CPT1A: variants seen among roughly 807,000 people sequenced by gnomAD.
The protein encoded by CPT1A is carnitine palmitoyltransferase 1A.
In CPT1A, 64 loss-of-function variants were observed where a neutral mutation model predicts 100.8. The ratio of observed to expected loss-of-function variants is 0.63; its 90% confidence interval spans 0.52 to 0.78. The LOEUF (loss-of-function observed/expected upper bound fraction) is 0.78, where lower values mean the gene tolerates loss of function less well. Ranked by LOEUF, CPT1A falls within the 30% of genes least tolerant of loss-of-function variation. The pLI, the probability that CPT1A is intolerant of heterozygous loss-of-function variation, is 0.00. For synonymous variants in CPT1A, 363 were observed against 396.0 expected, an observed-to-expected ratio of 0.92 and a Z score of 0.99; for missense variants, 802 against 1,034.1, an observed-to-expected ratio of 0.78 and a Z score of 3.08.
At chr11:68,815,849 T>G (rs553039075) in intron 1 of CPT1A, among the ~76,000 whole-genome samples, 1 of 145,334 alleles carries the variant, frequency 6.9e-6, no homozygotes, top group South Asian at 2.2e-4. Flanking sequence ...CAAGCCAGCA[T>G]CCAGGCCCGT....
rs542970358 is a variant in CPT1A at position 68,780,817 on chromosome 11, G to C, written c.1353-72C>G. 8.4e-5 allele frequency: 93 copies of C among 1,100,786 alleles called. No homozygotes were observed. The South Asian group carries it at 1.0e-3, about 12-fold the overall frequency. 68.2% of individuals were successfully genotyped at this position (1,100,786 alleles called of 1,614,324 possible). A position where few individuals can be genotyped will look rare whatever the true frequency, so the allele number is the denominator to read the frequency against. ...CAATGAGGAGACATTGCACCTCTCTGCTTCATCCTGGATGGACTAATTCAC... is the reference window on the plus strand; with the variant it reads ...CAATGAGGAGACATTGCACCTCTCTCCTTCATCCTGGATGGACTAATTCAC... On this transcript the variant is annotated intron_variant, in intron 11 of 18. Coordinates refer to ENST00000265641, the MANE Select transcript of CPT1A (RefSeq NM_001876.4).
intron 4 of CPT1A, among the ~76,000 whole-genome samples, chr11:68,806,018 A>C (rs1856035376): frequency 7.2e-6 from 1 of 139,210 alleles, no homozygotes; most frequent in South Asian, 2.3e-4. Context: ...AAGCCCATAA[A>C]TTTTTTTTTT....
At chr11:68,830,435 C>T (rs766746129) in intron 1 of CPT1A, among the ~76,000 whole-genome samples, 25 of 152,280 alleles carry the variant, frequency 1.6e-4, no homozygotes, top group Non-Finnish European at 3.4e-4. Flanking sequence ...GGCCACATGC[C>T]ATCCTGGAGG....
chr11:68,784,734 G>A lies in CPT1A; in HGVS notation c.1163+81C>T, dbSNP rs1037536540. ...GGAGTCCCGTGCCAGGATTCCCACAGGCCCTGGTGGGGATGGGCCCCAGTG... is the reference window on the plus strand; with the variant it reads ...GGAGTCCCGTGCCAGGATTCCCACAAGCCCTGGTGGGGATGGGCCCCAGTG... On this transcript the variant is annotated intron_variant, in intron 10 of 18. Transcript: ENST00000265641. 3.2e-5 allele frequency: 44 copies of A among 1,372,384 alleles called. No homozygotes were observed. The East Asian group carries it at 8.6e-4, about 27-fold the overall frequency. The allele number at this position is 1,372,384 out of a possible 1,614,324, so 85.0% of individuals were successfully genotyped here.
chr11:68,800,490 CAAAAAAAA>C (rs57450875), intron 5 of CPT1A, among the ~76,000 whole-genome samples: 1 of 78,988 alleles, frequency 1.3e-5, no homozygotes, highest in Non-Finnish European at 2.9e-5. Context: ...CCCATCTCTG[CAAAAAAAA>C]AAAAAAAAAA....
At chr11:68,808,347 G>C (rs924654865) in intron 3 of CPT1A, among the ~76,000 whole-genome samples, 1 of 151,408 alleles carries the variant, frequency 6.6e-6, no homozygotes, top group Non-Finnish European at 1.5e-5. Flanking sequence ...GTAAAGATGG[G>C]ACTTTAAAAA....
chr11:68,814,028 G>C (rs771810827), intron 2 of CPT1A, among the ~76,000 whole-genome samples: 1 of 152,090 alleles, frequency 6.6e-6, no homozygotes, highest in Non-Finnish European at 1.5e-5. Context: ...GCCGCCCTCG[G>C]AGAAGGAGCA....
At chr11:68,770,713 G>A (rs920114970) in intron 14 of CPT1A, among the ~76,000 whole-genome samples, 10 of 152,168 alleles carry the variant, frequency 6.6e-5, no homozygotes, top group African/African-American at 1.9e-4. Flanking sequence ...GCCTCTCACC[G>A]CTGGTGTACG....
chr11:68,781,688 C>G, intron 11 of CPT1A, 83 bp downstream of exon 11: 1 of 1,134,838 alleles, frequency 8.8e-7, no homozygotes, highest in Non-Finnish European at 1.3e-6. Flanking sequence ...ATTATAGATA[C>G]TTAGGGGTGA....
At chr11:68,773,862 C>T (rs905153977) in intron 13 of CPT1A, 3 of 268,052 alleles carry the variant, frequency 1.1e-5, no homozygotes, top group African/African-American at 6.6e-5. Context: ...GAAGCATGCG[C>T]ACTGAGAGGC....
chr11:68,823,975 G>A (rs1594371298), intron 1 of CPT1A, among the ~76,000 whole-genome samples: 2 of 151,910 alleles, frequency 1.3e-5, no homozygotes, highest in Admixed American at 1.3e-4. Flanking sequence ...GGCCGGGTGC[G>A]GTGGCTCACG....
Position 68,841,371 on chromosome 11 carries a change from T to C in CPT1A, c.-14+404A>G, listed in dbSNP as rs1490002483. ...GGCCACCCGCAGGCTGACCGACCCC[T>C]GGGCAGACCCTCAGACTCAATCCAG... On this transcript the variant is annotated intron_variant, in intron 1 of 18. Transcript: ENST00000265641. This position sits in a 1 kb window ranked among gnomAD's most constrained non-coding sequence, Gnocchi z 6.3. Among the ~76,000 whole-genome samples, 2 of 151,114 alleles carry C rather than the reference T, an allele frequency of 1.3e-5. No individual in the cohort carries two copies. Among genetic ancestry groups the C allele is most frequent in the African/African-American group, 4.9e-5 (2 of 41,036 alleles).
At chr11:68,832,229 A>T (rs552183672) in intron 1 of CPT1A, among the ~76,000 whole-genome samples, 1 of 152,294 alleles carries the variant, frequency 6.6e-6, no homozygotes, top group South Asian at 2.1e-4. Context: ...CGGACAGATC[A>T]CCTGAGCTCA....
At position 68,773,408 on chromosome 11, in the gene CPT1A, A is replaced by G. The variant is rs1855050882; in HGVS notation, c.1597T>C (p.Ser533Pro). 1 of 1,614,024 alleles carries G rather than the reference A, an allele frequency of 6.2e-7. No homozygotes were observed. ...PGECQEVIET[S>P]LNTANLLAND... ...GCCAGAAGATTTGCGGTGTTCAGGGAGGTCTCTATAACCTCTTGACACTTG... is the reference window on the plus strand; with the variant it reads ...GCCAGAAGATTTGCGGTGTTCAGGGGGGTCTCTATAACCTCTTGACACTTG... The change falls in exon 14 of 19, where the codon TCC becomes CCC. Residue 533 changes from serine to proline, a missense_variant. This residue lies in a region of CPT1A where 627 missense variants were observed against 799.3 expected (regional missense o/e 0.78). Coordinates refer to ENST00000265641, the MANE Select transcript of CPT1A (RefSeq NM_001876.4).
chr11:68,835,847 C>T (rs1321867849), intron 1 of CPT1A, among the ~76,000 whole-genome samples: 2 of 152,204 alleles, frequency 1.3e-5, no homozygotes, highest in African/African-American at 4.8e-5. Context: ...TGACCTTGAG[C>T]AAGTATTTGC....
intron 8 of CPT1A, 72 bp from the exon 9 acceptor site, chr11:68,793,474 G>A (rs1043586380): frequency 2.3e-5 from 28 of 1,219,430 alleles, no homozygotes; most frequent in South Asian, 3.9e-5. Flanking sequence ...GGCCGGGTGC[G>A]GTGGCTCACG....
At chr11:68,773,909 C>T (rs1352065081) in intron 13 of CPT1A, 1 of 245,446 alleles carries the variant, frequency 4.1e-6, no homozygotes, top group East Asian at 9.8e-5. Flanking sequence ...GAGCTTCCTC[C>T]AGCAGTGCTA....
intron 3 of CPT1A, among the ~76,000 whole-genome samples, chr11:68,811,649 T>G (rs1284456258): frequency 6.6e-6 from 1 of 152,094 alleles, no homozygotes; most frequent in African/African-American, 2.4e-5. Context: ...TCCTGTGACT[T>G]GGGCAGACAC....
chr11:68,813,842 C>G lies in CPT1A; in HGVS notation c.142-1266G>C, dbSNP rs1163005559. On this transcript the variant is annotated intron_variant, in intron 2 of 18. Transcript: ENST00000265641. ...CAGCTCTCGGCGAGCCGAGCTAGTG[C>G]CTCAGTGAAATCTCGGATGTCACCT... Among the ~76,000 whole-genome samples, 3 of 152,258 alleles carry G rather than the reference C, an allele frequency of 2.0e-5. No individual in the cohort carries two copies. In the East Asian group the frequency reaches 5.8e-4, roughly 29 times the overall value.
Sources: gnomAD v4.1 joint callset for allele counts (sites outside exome capture counted in the v4.1 genomes callset) on GRCh38, gnomAD v4.1.1 for gene constraint, gnomAD v4.1.1 regional missense constraint, Gnocchi (gnomAD v3.1) non-coding constraint, MANE v1.5 for transcripts, NCBI Gene and HGNC (gene_info 2026-07-23, HGNC 2026-07-21) for gene names.